PRIM2: variants seen among roughly 807,000 people sequenced by gnomAD.
PRIM2 encodes the protein DNA primase large subunit.
In PRIM2, 39 loss-of-function variants were observed where a neutral mutation model predicts 67.3. The observed-to-expected ratio is 0.58, with a 90% CI of 0.45 to 0.76. The LOEUF is 0.76. PRIM2 is among the 30% of genes least tolerant of loss of function. PRIM2 has a pLI of 0.00. For missense variants in PRIM2, 398 were observed against 598.7 expected (o/e 0.66, Z 3.50); for synonymous variants, 143 against 198.7 (o/e 0.72, Z 2.36).
At chr6:57,625,580 G>T (rs1235038812) in intron 12 of PRIM2, among the ~76,000 whole-genome samples, 1 of 152,084 alleles carries the variant, frequency 6.6e-6, no homozygotes, top group Non-Finnish European at 1.5e-5. Context: ...TTGGCTTTTA[G>T]AAAAGGTACT....
rs1480588509 is a variant in PRIM2 at position 57,479,059 on chromosome 6, T to C, written c.694-28328T>C. Among the ~76,000 whole-genome samples the C allele has an allele frequency of 9.7e-4, 147 of 152,086 alleles. 1 individual carries two copies. In the East Asian group the frequency reaches 0.026, roughly 27 times the overall value. On this transcript the variant is annotated intron_variant, in intron 7 of 13. Coordinates refer to ENST00000615550, the MANE Select transcript of PRIM2 (RefSeq NM_000947.5). ...TACTTGGGAGGCTGAGGCAGGAGAG[T>C]TGCTTGAACCTGGGAGATGGAGTTT...
At chr6:57,511,559 TA>T (rs2127460934) in intron 8 of PRIM2, among the ~76,000 whole-genome samples, 1 of 152,344 alleles carries the variant, frequency 6.6e-6, no homozygotes, top group South Asian at 2.1e-4. Flanking sequence ...AATTGGGCCA[TA>T]ACTTAATTGT....
chr6:57,478,534 A>C (rs1773535020), intron 7 of PRIM2, among the ~76,000 whole-genome samples: 1 of 151,980 alleles, frequency 6.6e-6, no homozygotes, highest in Admixed American at 6.6e-5. Flanking sequence ...ACATACAAAA[A>C]CACATATGAG....
intron 7 of PRIM2, among the ~76,000 whole-genome samples, chr6:57,420,007 A>G (rs1771411132): frequency 6.6e-6 from 1 of 152,172 alleles, no homozygotes; most frequent in African/African-American, 2.4e-5. Context: ...TGGTGGTGGC[A>G]GTGGTGGATG....
intron 12 of PRIM2, among the ~76,000 whole-genome samples, chr6:57,607,226 A>T (rs1776580459): frequency 6.6e-6 from 1 of 152,204 alleles, no homozygotes; most frequent in Admixed American, 6.5e-5. Flanking sequence ...ACTCTAGACA[A>T]CTTTACGGCT....
intron 7 of PRIM2, among the ~76,000 whole-genome samples, chr6:57,492,242 T>C (rs1197620888): frequency 1.3e-5 from 2 of 152,126 alleles, no homozygotes; most frequent in African/African-American, 4.8e-5. Context: ...CCAATAGAAA[T>C]GTGAACCACA....
intron 12 of PRIM2, among the ~76,000 whole-genome samples, chr6:57,614,054 A>G (rs1166627928): frequency 3.3e-5 from 5 of 152,110 alleles, no homozygotes; most frequent in African/African-American, 1.2e-4. Flanking sequence ...TGGGCCACGG[A>G]CTGGTACTTG....
At chr6:57,374,053 A>T (rs7774563) in intron 5 of PRIM2, among the ~76,000 whole-genome samples, 15 of 151,932 alleles carry the variant, frequency 9.9e-5, no homozygotes, top group Non-Finnish European at 1.8e-4. Context: ...GGACATTTTC[A>T]TGATACTGAT....
At chr6:57,495,576 T>G (rs1452863983) in intron 7 of PRIM2, among the ~76,000 whole-genome samples, 2 of 152,242 alleles carry the variant, frequency 1.3e-5, no homozygotes, top group Non-Finnish European at 2.9e-5. Context: ...GAGGTTCAGC[T>G]GTTGGGGAAA....
chr6:57,476,370 T>A (rs1773478239), intron 7 of PRIM2, among the ~76,000 whole-genome samples: 2 of 152,202 alleles, frequency 1.3e-5, no homozygotes, highest in African/African-American at 4.8e-5. Context: ...GCAGATTTAA[T>A]GGATGGGACA....
intron 10 of PRIM2, among the ~76,000 whole-genome samples, chr6:57,561,052 T>C (rs1278898247): frequency 1.3e-5 from 2 of 152,186 alleles, no homozygotes; most frequent in Non-Finnish European, 2.9e-5. Context: ...ATAAGGCTGT[T>C]TTATTCACAT....
chr6:57,576,875 A>G (rs1222150314), intron 10 of PRIM2, among the ~76,000 whole-genome samples: 2 of 151,082 alleles, frequency 1.3e-5, no homozygotes, highest in Non-Finnish European at 2.9e-5. Context: ...TAAAACATCT[A>G]TGCCTATTGA....
chr6:57,311,514 G>A (rs989931997), upstream of PRIM2, among the ~76,000 whole-genome samples: 1 of 151,744 alleles, frequency 6.6e-6, no homozygotes, highest in East Asian at 1.9e-4. Context: ...GACAATGGGC[G>A]GCCAGGCAGA....
intron 10 of PRIM2, among the ~76,000 whole-genome samples, chr6:57,570,781 A>G (rs1228217454): frequency 6.6e-6 from 1 of 152,202 alleles, no homozygotes; most frequent in South Asian, 2.1e-4. Flanking sequence ...TGAATTTTGC[A>G]GTCACTATTT....
chr6:57,578,194 CTTA>C (rs1460155266), intron 10 of PRIM2, among the ~76,000 whole-genome samples: 1 of 152,126 alleles, frequency 6.6e-6, no homozygotes, highest in Non-Finnish European at 1.5e-5. Flanking sequence ...ACACTTATTA[CTTA>C]TTATTAATAA....
chr6:57,519,468 A>T (rs1324508874), intron 8 of PRIM2, among the ~76,000 whole-genome samples: 1 of 152,228 alleles, frequency 6.6e-6, no homozygotes, highest in Non-Finnish European at 1.5e-5. Flanking sequence ...CCTTGCTGAG[A>T]AAAGGAATTC....
At chr6:57,550,687 A>G (rs1158471921) in intron 10 of PRIM2, among the ~76,000 whole-genome samples, 2 of 152,206 alleles carry the variant, frequency 1.3e-5, no homozygotes, top group African/African-American at 2.4e-5. Flanking sequence ...AATGAGATTA[A>G]AAAAATAAAA....
chr6:57,616,916 T>G (rs1776766637), intron 12 of PRIM2, among the ~76,000 whole-genome samples: 1 of 152,272 alleles, frequency 6.6e-6, no homozygotes. Flanking sequence ...TCATATAGCA[T>G]GTTTACAAGG....
chr6:57,381,139 T>C (rs1769947674), intron 6 of PRIM2, among the ~76,000 whole-genome samples: 1 of 152,210 alleles, frequency 6.6e-6, no homozygotes, highest in African/African-American at 2.4e-5. Flanking sequence ...TGTTTGACTT[T>C]CCGTGTGTGC....
Sources: gnomAD v4.1 joint callset for allele counts (sites outside exome capture counted in the v4.1 genomes callset) on GRCh38, gnomAD v4.1.1 for gene constraint, MANE v1.5 for transcripts, NCBI Gene and HGNC (gene_info 2026-07-23, HGNC 2026-07-21) for gene names.